The following CHODL variants were observed in gnomAD, a reference collection of about 807,000 sequenced individuals.
CHODL encodes the protein chondrolectin.
CHODL carries 29 observed loss-of-function variants against 34.5 expected under a neutral mutation model. That is an observed-to-expected ratio of 0.84 (90% CI 0.63 to 1.15). The LOEUF (loss-of-function observed/expected upper bound fraction) is 1.15. Ranked by LOEUF, CHODL falls within the 50% of genes most tolerant of loss-of-function variation. The pLI, the probability that CHODL is intolerant of heterozygous loss-of-function variation, is 0.00. For missense variants in CHODL, 332 were observed against 332.5 expected (o/e 1.00, Z 0.01); for synonymous variants, 125 against 116.1 (o/e 1.08, Z -0.49).
chr21:18,091,648 T>C (rs1489868152), intron 2 of CHODL, among the ~76,000 whole-genome samples: 3 of 152,122 alleles, frequency 2.0e-5, no homozygotes, highest in Admixed American at 6.6e-5. Context: ...AAGCTGGGCA[T>C]TTGGGTCCTC....
intron 1 of CHODL, among the ~76,000 whole-genome samples, chr21:17,933,218 CA>C (rs1212296379): frequency 2.6e-5 from 4 of 152,262 alleles, no homozygotes; most frequent in South Asian, 2.1e-4. Context: ...GTTTCAACTG[CA>C]AAGAGGTGTT....
chr21:18,061,099 T>C (rs555442036), intron 2 of CHODL, among the ~76,000 whole-genome samples: 1 of 152,320 alleles, frequency 6.6e-6, no homozygotes, highest in South Asian at 2.1e-4. Context: ...TTCTTCATTT[T>C]GGGTACTATA....
intron 2 of CHODL, among the ~76,000 whole-genome samples, chr21:18,073,170 A>G (rs1289982026): frequency 6.6e-6 from 1 of 152,160 alleles, no homozygotes; most frequent in Non-Finnish European, 1.5e-5. Flanking sequence ...ATACTCCTAC[A>G]TAGGAAAACT....
chr21:18,245,520 A>G (rs1353252289), intron 1 of CHODL, among the ~76,000 whole-genome samples: 1 of 152,216 alleles, frequency 6.6e-6, no homozygotes, highest in Non-Finnish European at 1.5e-5. Flanking sequence ...GCGCTTGCTT[A>G]CGTAGCTGCG....
chr21:18,078,584 A>T (rs2064895593), intron 2 of CHODL, among the ~76,000 whole-genome samples: 1 of 152,172 alleles, frequency 6.6e-6, no homozygotes, highest in African/African-American at 2.4e-5. Context: ...TTCTTTTCTC[A>T]TACTTAGAAC....
At chr21:17,986,964 G>A (rs1265627074) in intron 1 of CHODL, among the ~76,000 whole-genome samples, 2 of 152,146 alleles carry the variant, frequency 1.3e-5, no homozygotes, top group African/African-American at 4.8e-5. Flanking sequence ...TGGGTGGCGA[G>A]AGGACATCAC....
At chr21:18,080,332 T>G (rs1239386990) in intron 2 of CHODL, among the ~76,000 whole-genome samples, 1 of 152,160 alleles carries the variant, frequency 6.6e-6, no homozygotes, top group Non-Finnish European at 1.5e-5. Context: ...CTTTTAGGTT[T>G]AATTAAGTCT....
chr21:18,223,363 G>T (rs1288560239), intron 2 of CHODL, among the ~76,000 whole-genome samples: 1 of 152,028 alleles, frequency 6.6e-6, no homozygotes, highest in Non-Finnish European at 1.5e-5. Context: ...TTTGCAGAAG[G>T]TCATGTCCAT....
At chr21:17,952,195 A>C (rs1159489829) in intron 1 of CHODL, among the ~76,000 whole-genome samples, 1 of 24,594 alleles carries the variant, frequency 4.1e-5, no homozygotes, top group Non-Finnish European at 7.9e-5. Flanking sequence ...ACTATGTCTC[A>C]AAAAAAAAAA....
chr21:18,017,053 G>A (rs2064081786), intron 1 of CHODL, among the ~76,000 whole-genome samples: 2 of 152,178 alleles, frequency 1.3e-5, no homozygotes, highest in South Asian at 2.1e-4. Flanking sequence ...TTACAGGCTC[G>A]TAGTTGGAAG....
Position 17,918,235 on chromosome 21 carries a change from C to A in CHODL, c.-145+835C>A, listed in dbSNP as rs150694321. ...TTTTATTTTTTACTGTTTACTTGCT[C>A]TCTGACCTTGGGTGAATTACCTAAC... On this transcript the variant is annotated intron_variant, in intron 1 of 6. Transcript: ENST00000400127. Among the ~76,000 whole-genome samples the A allele has an allele frequency of 8.0e-3, 1,215 of 152,140 alleles. 18 individuals carry two copies. Among genetic ancestry groups the A allele is most frequent in the African/African-American group, 0.027 (1,120 of 41,474 alleles).
chr21:18,122,764 A>C (rs2065495392), intron 2 of CHODL, among the ~76,000 whole-genome samples: 2 of 152,248 alleles, frequency 1.3e-5, no homozygotes, highest in African/African-American at 4.8e-5. Context: ...CGTTCATCAA[A>C]TAAATCCTGT....
At chr21:18,255,139 T>TA (rs1321401393) in intron 1 of CHODL, among the ~76,000 whole-genome samples, 1 of 152,020 alleles carries the variant, frequency 6.6e-6, no homozygotes, top group Admixed American at 6.5e-5. Flanking sequence ...AGGTTTAAGA[T>TA]AAAAAATAGA....
At chr21:18,145,418 C>T (rs1159762057) in intron 2 of CHODL, among the ~76,000 whole-genome samples, 2 of 115,384 alleles carry the variant, frequency 1.7e-5, no homozygotes, top group Admixed American at 1.2e-4. Flanking sequence ...GCCTAGGGGA[C>T]GAGTGAGACT....
At chr21:17,923,615 C>G (rs917303796) in intron 1 of CHODL, among the ~76,000 whole-genome samples, 1 of 152,090 alleles carries the variant, frequency 6.6e-6, no homozygotes, top group Non-Finnish European at 1.5e-5. Context: ...GTGCCCGCCA[C>G]TATGTCCAGC....
chr21:18,212,303 G>T (rs954943457), intron 2 of CHODL, among the ~76,000 whole-genome samples: 2 of 152,006 alleles, frequency 1.3e-5, no homozygotes, highest in African/African-American at 4.8e-5. Flanking sequence ...GAAATCAATA[G>T]ATCAATAAGA....
At chr21:18,248,673 CAT>C (rs1171455904) in intron 1 of CHODL, among the ~76,000 whole-genome samples, 2 of 107,316 alleles carry the variant, frequency 1.9e-5, no homozygotes, top group Non-Finnish European at 3.5e-5. Flanking sequence ...ATGTATAATA[CAT>C]ATATGTATAT....
intron 1 of CHODL, among the ~76,000 whole-genome samples, chr21:18,020,582 T>C (rs1432614278): frequency 6.6e-6 from 1 of 152,206 alleles, no homozygotes; most frequent in African/African-American, 2.4e-5. Flanking sequence ...CACCTTTTAT[T>C]CTTTAAACCC....
chr21:17,917,891 ATG>A (rs370637496), intron 1 of CHODL, among the ~76,000 whole-genome samples: 1 of 150,670 alleles, frequency 6.6e-6, no homozygotes, highest in Non-Finnish European at 1.5e-5. Context: ...GTGTGTGTGT[ATG>A]TGTGTGTGTG....
Sources: allele counts gnomAD v4.1 joint callset (sites outside exome capture counted in the v4.1 genomes callset), GRCh38; gene constraint gnomAD v4.1.1; transcripts MANE v1.5; gene names NCBI Gene and HGNC (gene_info 2026-07-23, HGNC 2026-07-21).